Variants in KIF6 observed in about 807,000 individuals in gnomAD.
The protein encoded by KIF6 is kinesin family member 6.
KIF6 carries 106 observed loss-of-function variants against 112.7 expected under a neutral mutation model. The observed-to-expected ratio is 0.94, with a 90% CI of 0.80 to 1.11. KIF6 has a LOEUF of 1.11. KIF6 is among the 50% of genes least tolerant of loss of function. KIF6 has a pLI of 0.00. For synonymous variants in KIF6, 339 were observed against 339.9 expected, an observed-to-expected ratio of 1.00 and a Z score of 0.03; for missense variants, 929 against 964.0, an observed-to-expected ratio of 0.96 and a Z score of 0.48.
intron 13 of KIF6, among the ~76,000 whole-genome samples, chr6:39,454,349 G>A (rs1202300213): frequency 6.6e-6 from 1 of 152,016 alleles, no homozygotes; most frequent in Non-Finnish European, 1.5e-5. Context: ...ATGTGTAATA[G>A]GAAGCTCCAA....
At chr6:39,606,034 G>T (rs1056942511) in intron 6 of KIF6, among the ~76,000 whole-genome samples, 1 of 151,896 alleles carries the variant, frequency 6.6e-6, no homozygotes, top group Non-Finnish European at 1.5e-5. Context: ...ATAATTGGAT[G>T]CTCCTTTGTC....
intron 22 of KIF6, among the ~76,000 whole-genome samples, chr6:39,339,596 T>G (rs1189558053): frequency 1.3e-5 from 2 of 152,016 alleles, no homozygotes; most frequent in African/African-American, 2.4e-5. Flanking sequence ...TGGGAATACT[T>G]CCAAACTCAG....
chr6:39,550,300 G>C (rs1191608603), intron 10 of KIF6, among the ~76,000 whole-genome samples: 1 of 152,142 alleles, frequency 6.6e-6, no homozygotes, highest in African/African-American at 2.4e-5. Context: ...TGGGAGAACA[G>C]AAGAGTGGGA....
intron 12 of KIF6, among the ~76,000 whole-genome samples, chr6:39,541,586 G>T (rs1249033720): frequency 1.3e-5 from 2 of 152,222 alleles, no homozygotes; most frequent in Non-Finnish European, 2.9e-5. Flanking sequence ...TCGGTATAGA[G>T]CAATGACAAG....
chr6:39,635,183 A>AT (rs1024135436), intron 4 of KIF6, among the ~76,000 whole-genome samples: 5 of 151,912 alleles, frequency 3.3e-5, no homozygotes, highest in African/African-American at 9.7e-5. Context: ...TCAGTCTGTT[A>AT]TTTTTTATTG....
At chr6:39,692,294 T>G (rs574660171) in intron 3 of KIF6, among the ~76,000 whole-genome samples, 1 of 152,344 alleles carries the variant, frequency 6.6e-6, no homozygotes, top group East Asian at 1.9e-4. Context: ...GCCCTGATTC[T>G]TCTCATTTTT....
At chr6:39,646,126 A>T (rs1267740937) in intron 3 of KIF6, among the ~76,000 whole-genome samples, 3 of 137,320 alleles carry the variant, frequency 2.2e-5, no homozygotes, top group Admixed American at 7.0e-5. Flanking sequence ...TAAGAAAAAT[A>T]TATATATATA....
intron 1 of KIF6, among the ~76,000 whole-genome samples, chr6:39,723,237 G>A (rs141320643): frequency 1.5e-3 from 231 of 152,136 alleles, no homozygotes; most frequent in African/African-American, 5.3e-3. Context: ...TAAATTATAC[G>A]AGGCAAATGC....
chr6:39,417,310 A>G (rs759813461), intron 15 of KIF6, among the ~76,000 whole-genome samples: 3 of 152,138 alleles, frequency 2.0e-5, no homozygotes, highest in African/African-American at 4.8e-5. Context: ...ATTAGAGCAC[A>G]ATTTGAAAGA....
chr6:39,479,162 C>T (rs1361891938), intron 13 of KIF6, among the ~76,000 whole-genome samples: 3 of 151,898 alleles, frequency 2.0e-5, no homozygotes, highest in Non-Finnish European at 4.4e-5. Context: ...TTGTTGGTCA[C>T]GAAGTCTTTT....
chr6:39,527,637 C>T (rs1442337284), intron 13 of KIF6, among the ~76,000 whole-genome samples: 5 of 152,194 alleles, frequency 3.3e-5, no homozygotes, highest in Middle Eastern at 3.4e-3. Flanking sequence ...AAAGAAGTTC[C>T]CATCTATTCC....
chr6:39,448,896 A>G lies in KIF6; in HGVS notation c.1646-17735T>C, dbSNP rs143636508. 2.7e-4 allele frequency among the ~76,000 whole-genome samples: 41 copies of G among 152,336 alleles called. No homozygotes were observed. The East Asian group carries it at 7.7e-3, about 29-fold the overall frequency. On this transcript the variant is annotated intron_variant, in intron 13 of 22. Transcript: ENST00000287152. The stretch of plus-strand genomic sequence containing the variant: ...AACAGAACTCTTAATTTCATGCTCC[A>G]TTCTAAGCTCTATCCCAAGCTGTTC...
intron 13 of KIF6, among the ~76,000 whole-genome samples, chr6:39,504,366 T>C (rs1056058962): frequency 1.3e-5 from 2 of 152,102 alleles, no homozygotes; most frequent in African/African-American, 4.8e-5. Context: ...ATAAGAGCCA[T>C]ATATGACAGA....
At chr6:39,574,074 A>G (rs560907952) in intron 10 of KIF6, among the ~76,000 whole-genome samples, 1 of 152,368 alleles carries the variant, frequency 6.6e-6, no homozygotes, top group African/African-American at 2.4e-5. Context: ...TCCAGGATCT[A>G]TAAGTCCTTC....
chr6:39,418,831 A>G (rs76679179), intron 15 of KIF6, among the ~76,000 whole-genome samples: 1,837 of 152,176 alleles, frequency 0.012, 34 homozygotes, highest in African/African-American at 0.041. Flanking sequence ...TGTTAGAAAA[A>G]TTAAAGGGGG....
intron 16 of KIF6, among the ~76,000 whole-genome samples, chr6:39,379,859 T>C (rs1766772580): frequency 1.3e-5 from 2 of 152,228 alleles, no homozygotes; most frequent in Non-Finnish European, 2.9e-5. Flanking sequence ...CTACTGGCCT[T>C]GCATCCACAG....
intron 2 of KIF6, among the ~76,000 whole-genome samples, chr6:39,715,497 C>A (rs1453045189): frequency 7.7e-6 from 1 of 129,300 alleles, no homozygotes. Context: ...GTAGAAGACA[C>A]AGAATCTATT....
chr6:39,621,818 A>C (rs1161529292), intron 5 of KIF6, among the ~76,000 whole-genome samples: 1 of 152,158 alleles, frequency 6.6e-6, no homozygotes, highest in Non-Finnish European at 1.5e-5. Flanking sequence ...TTTTGCTAAT[A>C]TTTTAGGTTA....
intron 13 of KIF6, among the ~76,000 whole-genome samples, chr6:39,441,027 G>A (rs887080880): frequency 1.3e-5 from 2 of 152,198 alleles, no homozygotes; most frequent in African/African-American, 4.8e-5. Flanking sequence ...AAGATTAGAT[G>A]GAACAGTGGA....
Sources: allele counts gnomAD v4.1 joint callset (sites outside exome capture counted in the v4.1 genomes callset), GRCh38; gene constraint gnomAD v4.1.1; transcripts MANE v1.5; gene names NCBI Gene and HGNC (gene_info 2026-07-23, HGNC 2026-07-21).